FAAH2: variants seen among roughly 807,000 people sequenced by gnomAD.
FAAH2 encodes fatty-acid amide hydrolase 2.
In FAAH2, 60 loss-of-function variants were observed where a neutral mutation model predicts 36.9. The ratio of observed to expected loss-of-function variants is 1.63; its 90% confidence interval spans 1.32 to 2.02. The LOEUF (loss-of-function observed/expected upper bound fraction) is 2.02. Among genes scored for constraint, FAAH2 ranks in the 30% most tolerant of loss-of-function variants. FAAH2 has a pLI of 0.00. For missense variants in FAAH2, 689 were observed against 397.5 expected (o/e 1.73, Z -6.23); for synonymous variants, 214 against 143.8 (o/e 1.49, Z -3.49).
intron 7 of FAAH2, among the ~76,000 whole-genome samples, chrX:57,391,499 A>G (rs1429879215): frequency 1.8e-5 from 2 of 110,561 alleles, no homozygotes; most frequent in Non-Finnish European, 3.8e-5. Context: ...ATGGTGAGAG[A>G]GAGGGGTCCA....
chrX:57,286,045 T>A (rs2051804960), upstream of FAAH2, among the ~76,000 whole-genome samples: 1 of 111,181 alleles, frequency 9.0e-6, no homozygotes, highest in Non-Finnish European at 1.9e-5. Context: ...GGATGAAAAT[T>A]CCATTTGTAG....
rs1415850873 is a variant in FAAH2 at position 57,489,046 on chromosome X, T to C, written c.*114T>C. ...CAAGCAGAGAAACAACTGGGGAATT[T>C]ATTGACTCATTTAGTTATTCTTTCT... On this transcript the variant is annotated 3_prime_UTR_variant, in exon 11 of 11. Coordinates refer to ENST00000374900, the MANE Select transcript of FAAH2 (RefSeq NM_174912.4). The C allele has an allele frequency of 2.7e-6, 2 of 753,110 alleles. No homozygotes were observed. The highest frequency in any genetic ancestry group is 3.7e-6 in the Non-Finnish European group (2 of 538,708). The allele number at this position is 753,110 out of a possible 1,213,427, so 62.1% of individuals were successfully genotyped here.
rs2056777768 is a variant in FAAH2, at chrX:57,451,206, C to T, written c.1423+2488C>T. On this transcript the variant is annotated intron_variant, in intron 10 of 10. Transcript: ENST00000374900. ...GAGGAAACAGGAGGCTGAACAGGGT[C>T]TCTCAGCTATGAAGTGAAGTGATAA... Among the ~76,000 whole-genome samples, 3 of 111,446 alleles carry T rather than the reference C, an allele frequency of 2.7e-5. No homozygotes were observed. The South Asian group carries it at 1.1e-3, about 43-fold the overall frequency.
At chrX:57,316,719 T>C (rs1019528202) in intron 3 of FAAH2, among the ~76,000 whole-genome samples, 1 of 111,222 alleles carries the variant, frequency 9.0e-6, no homozygotes, top group African/African-American at 3.3e-5. Flanking sequence ...AGGCAAAAAC[T>C]AACTCAAAAT....
intron 5 of FAAH2, among the ~76,000 whole-genome samples, chrX:57,352,107 TGTGTATATATATGC>T (rs2054034784): frequency 2.1e-5 from 1 of 48,459 alleles, no homozygotes; most frequent in Admixed American, 2.8e-4. Context: ...TATATATATA[TGTGTATATATATGC>T]ACATATATAT....
At chrX:57,476,888 G>A (rs1344844010) in intron 10 of FAAH2, among the ~76,000 whole-genome samples, 1 of 108,890 alleles carries the variant, frequency 9.2e-6, no homozygotes, top group Non-Finnish European at 1.9e-5. Context: ...TTTGTTATTG[G>A]TCTATTCAGG....
rs184571110 is a variant in FAAH2 at position 57,350,440 on chromosome X, G to A, written c.742+9050G>A. On this transcript the variant is annotated intron_variant, in intron 5 of 10. Coordinates refer to ENST00000374900, the MANE Select transcript of FAAH2 (RefSeq NM_174912.4). ...CCACCAAACCACAATGACAAACAAC[G>A]TGGGAAAAAAAATAACTTATGAAAC... Among the ~76,000 whole-genome samples the A allele has an allele frequency of 2.8e-3, 302 of 109,755 alleles. 1 individual carries two copies. The highest frequency in any genetic ancestry group is 9.5e-3 in the African/African-American group (289 of 30,300).
the FAAH2 span, among the ~76,000 whole-genome samples, chrX:57,258,449 A>G: frequency 2.7e-5 from 3 of 111,210 alleles, no homozygotes; most frequent in Admixed American, 2.9e-4. Context: ...AATTGGGACT[A>G]TATCAATCAA....
chrX:57,466,152 C>CTATATATATATA (rs1219532061), intron 10 of FAAH2, among the ~76,000 whole-genome samples: 49 of 66,804 alleles, frequency 7.3e-4, no homozygotes, highest in Admixed American at 1.1e-3. Context: ...CTCTCTCTCT[C>CTATATATATATA]TCTCTATATA....
intron 10 of FAAH2, among the ~76,000 whole-genome samples, chrX:57,466,128 A>ATCTCTCTCTCTCTC (rs66516710): frequency 1.4e-5 from 1 of 70,824 alleles, no homozygotes; most frequent in African/African-American, 5.2e-5. Context: ...TTGTTGGATT[A>ATCTCTCTCTCTCTC]TCTCTCTCTC....
intron 3 of FAAH2, among the ~76,000 whole-genome samples, chrX:57,322,656 C>G (rs1023912958): frequency 1.8e-4 from 20 of 110,940 alleles, no homozygotes; most frequent in Non-Finnish European, 2.8e-4. Flanking sequence ...GATTCGGTCT[C>G]TTTATGTTAT....
chrX:57,260,898 GTGT>G, the FAAH2 span, among the ~76,000 whole-genome samples: 1 of 111,603 alleles, frequency 9.0e-6, no homozygotes, highest in South Asian at 3.7e-4. Context: ...ACAACCACAA[GTGT>G]TGGTGAGAAT....
intron 7 of FAAH2, among the ~76,000 whole-genome samples, chrX:57,411,304 C>CA (rs1048775794): frequency 2.7e-5 from 3 of 111,874 alleles, no homozygotes; most frequent in African/African-American, 9.7e-5. Context: ...TGCCCTCTCT[C>CA]AATCCAGAAG....
intron 5 of FAAH2, among the ~76,000 whole-genome samples, chrX:57,362,935 G>T (rs774711199): frequency 9.0e-6 from 1 of 111,691 alleles, no homozygotes; most frequent in South Asian, 3.7e-4. Flanking sequence ...ATTGGTCTAG[G>T]TGTCTGGTTT....
At chrX:57,428,383 G>GA (rs76842626) in intron 7 of FAAH2, among the ~76,000 whole-genome samples, 1 of 110,250 alleles carries the variant, frequency 9.1e-6, no homozygotes, top group African/African-American at 3.3e-5. Context: ...CACAGAATTA[G>GA]AAAAAAATCA....
the FAAH2 span, among the ~76,000 whole-genome samples, chrX:57,183,121 G>A: frequency 1.8e-5 from 2 of 110,735 alleles, no homozygotes; most frequent in East Asian, 2.8e-4. Context: ...ACAAGGCTTC[G>A]TACCTTGGTA....
intron 10 of FAAH2, among the ~76,000 whole-genome samples, chrX:57,457,139 T>A (rs1372784580): frequency 8.9e-6 from 1 of 111,858 alleles, no homozygotes; most frequent in Non-Finnish European, 1.9e-5. Context: ...GCAAGGTTGA[T>A]TCACCATACA....
At chrX:57,285,269 C>T (rs772581452), upstream of FAAH2, among the ~76,000 whole-genome samples, 6 of 111,815 alleles carry the variant, frequency 5.4e-5, no homozygotes, top group East Asian at 2.8e-4. Context: ...ACCTGGATGA[C>T]GTTGTCATTT....
At chrX:57,415,724 G>A (rs963231270) in intron 7 of FAAH2, among the ~76,000 whole-genome samples, 4 of 111,453 alleles carry the variant, frequency 3.6e-5, no homozygotes, top group Admixed American at 2.9e-4. Flanking sequence ...GGAGAGTTCT[G>A]TAGATGTCTG....
Sources: gnomAD v4.1 joint callset for allele counts (sites outside exome capture counted in the v4.1 genomes callset) on GRCh38, gnomAD v4.1.1 for gene constraint, MANE v1.5 for transcripts, NCBI Gene and HGNC (gene_info 2026-07-23, HGNC 2026-07-21) for gene names.